The following EYS variants were observed in gnomAD, a reference collection of about 807,000 sequenced individuals.
EYS encodes the protein protein eyes shut homolog.
EYS carries 250 observed loss-of-function variants against 282.1 expected under a neutral mutation model. The ratio of observed to expected loss-of-function variants is 0.89; its 90% CI spans 0.80 to 0.98. EYS has a LOEUF of 0.98. Ranked by LOEUF, EYS falls within the 50% of genes least tolerant of loss-of-function variation. The probability of loss-of-function intolerance (pLI) is 0.00; values close to 1 mark genes in which losing one functional copy is unlikely to be tolerated. For missense variants in EYS, 4,016 were observed against 3,709.0 expected (o/e 1.08, Z -2.15); for synonymous variants, 1,355 against 1,282.9 (o/e 1.06, Z -1.20).
chr6:64,039,031 C>A (rs1770260989), intron 33 of EYS, among the ~76,000 whole-genome samples: 1 of 152,162 alleles, frequency 6.6e-6, no homozygotes, highest in African/African-American at 2.4e-5. Context: ...TCTCAAACTC[C>A]TGACCTCAGA....
intron 24 of EYS, among the ~76,000 whole-genome samples, chr6:64,604,685 C>T (rs752075102): frequency 2.0e-5 from 3 of 152,006 alleles, no homozygotes; most frequent in Non-Finnish European, 1.5e-5. Flanking sequence ...CATTGATTTG[C>T]TGTATAATTT....
intron 2 of EYS, among the ~76,000 whole-genome samples, chr6:65,615,965 T>G (rs2149797879): frequency 6.6e-6 from 1 of 150,942 alleles, no homozygotes; most frequent in South Asian, 2.1e-4. Flanking sequence ...GAAAAAAAAA[T>G]TATCAAATAG....
At chr6:64,669,188 T>C (rs753752977) in intron 22 of EYS, among the ~76,000 whole-genome samples, 10 of 152,210 alleles carry the variant, frequency 6.6e-5, no homozygotes, top group Non-Finnish European at 1.0e-4. Context: ...GGATTAAAAA[T>C]AGTAGCAACT....
At chr6:63,801,486 G>A (rs1770781427) in intron 37 of EYS, among the ~76,000 whole-genome samples, 1 of 152,298 alleles carries the variant, frequency 6.6e-6, no homozygotes, top group African/African-American at 2.4e-5. Flanking sequence ...GTTTCTGGCT[G>A]AAGCAGAATG....
chr6:64,578,931 C>A (rs1765975655), intron 26 of EYS, among the ~76,000 whole-genome samples: 1 of 152,052 alleles, frequency 6.6e-6, no homozygotes, highest in Admixed American at 6.6e-5. Flanking sequence ...ATTAAAGTGA[C>A]AACTTGTCAT....
chr6:64,479,079 T>G (rs1776361385), intron 26 of EYS, among the ~76,000 whole-genome samples: 1 of 151,934 alleles, frequency 6.6e-6, no homozygotes, highest in Admixed American at 6.6e-5. Flanking sequence ...ACTATCAAAA[T>G]CACCAATATA....
intron 14 of EYS, among the ~76,000 whole-genome samples, chr6:64,955,055 C>T (rs1477733218): frequency 6.6e-6 from 1 of 152,028 alleles, no homozygotes; most frequent in Non-Finnish European, 1.5e-5. Context: ...TGGCAGGCAC[C>T]TGTAGTCCCA....
At chr6:65,046,867 C>T (rs928835941) in intron 13 of EYS, among the ~76,000 whole-genome samples, 2 of 151,920 alleles carry the variant, frequency 1.3e-5, no homozygotes, top group African/African-American at 4.8e-5. Flanking sequence ...CCATAAATGG[C>T]TTTCGTCACC....
chr6:64,019,826 A>G (rs1328414521), intron 33 of EYS, among the ~76,000 whole-genome samples: 5 of 136,662 alleles, frequency 3.7e-5, no homozygotes, highest in African/African-American at 1.2e-4. Flanking sequence ...ATATATAAGT[A>G]TATATATATA....
At chr6:64,978,789 C>T (rs1210727944) in intron 14 of EYS, among the ~76,000 whole-genome samples, 1 of 151,856 alleles carries the variant, frequency 6.6e-6, no homozygotes, top group African/African-American at 2.4e-5. Context: ...GGATTCAATA[C>T]TTCAGTGGAG....
At chr6:65,540,663 A>T (rs1768131835) in intron 2 of EYS, among the ~76,000 whole-genome samples, 1 of 152,204 alleles carries the variant, frequency 6.6e-6, no homozygotes, top group African/African-American at 2.4e-5. Flanking sequence ...TCACGCCTGT[A>T]ATCCCAGCAC....
At chr6:65,319,385 A>T (rs1769408680) in intron 11 of EYS, among the ~76,000 whole-genome samples, 1 of 150,790 alleles carries the variant, frequency 6.6e-6, no homozygotes, top group South Asian at 2.1e-4. Context: ...ATCTCAAAAA[A>T]AATAATATAT....
chr6:65,230,696 C>T (rs961477724), intron 12 of EYS, among the ~76,000 whole-genome samples: 4 of 151,634 alleles, frequency 2.6e-5, no homozygotes, highest in Non-Finnish European at 5.9e-5. Flanking sequence ...TGAGTTACAA[C>T]GTTGACAATT....
chr6:65,544,204 T>C (rs934910472), intron 2 of EYS, among the ~76,000 whole-genome samples: 4 of 152,148 alleles, frequency 2.6e-5, no homozygotes, highest in African/African-American at 9.7e-5. Context: ...CACTTTGTAT[T>C]TTATAGCAGT....
In EYS at chr6:64,388,608, G is replaced by A. The variant is rs1273855345; in HGVS notation, c.6078+82C>T. The A allele has an allele frequency of 6.9e-6, 9 of 1,299,786 alleles. No homozygotes were observed. The South Asian group carries it at 1.0e-4, about 15-fold the overall frequency. 80.5% of individuals were successfully genotyped at this position (1,299,786 alleles called of 1,614,324 possible). A position where few individuals can be genotyped will look rare whatever the true frequency, so the allele number is the denominator to read the frequency against. ...CCACTAGCCAGAAAATATTTCTAAA[G>A]TTTTTCTTTTTCATTTATCAATATG... On this transcript the variant is annotated intron_variant, in intron 29 of 42. Transcript: ENST00000503581.
chr6:64,937,588 A>C (rs1002291249), intron 15 of EYS, among the ~76,000 whole-genome samples: 2 of 151,592 alleles, frequency 1.3e-5, no homozygotes, highest in Non-Finnish European at 3.0e-5. Context: ...GTGCATTGAA[A>C]TACCATTTCA....
intron 34 of EYS, among the ~76,000 whole-genome samples, chr6:63,996,008 T>C (rs1413636629): frequency 6.9e-6 from 1 of 145,164 alleles, no homozygotes; most frequent in Non-Finnish European, 1.6e-5. Context: ...ATTTGCTGAA[T>C]TTGATCATTC....
intron 22 of EYS, among the ~76,000 whole-genome samples, chr6:64,685,682 G>A (rs1175974531): frequency 6.6e-6 from 1 of 152,166 alleles, no homozygotes; most frequent in East Asian, 1.9e-4. Flanking sequence ...ATCTTCAGCT[G>A]CTGCTGGCAT....
chr6:64,491,829 T>C (rs1180802094), intron 26 of EYS, among the ~76,000 whole-genome samples: 1 of 150,178 alleles, frequency 6.7e-6, no homozygotes, highest in Non-Finnish European at 1.5e-5. Context: ...ATTATTCTTC[T>C]CTCTGTTAAT....
Sources: gnomAD v4.1 joint callset for allele counts (sites outside exome capture counted in the v4.1 genomes callset) on GRCh38, gnomAD v4.1.1 for gene constraint, MANE v1.5 for transcripts, NCBI Gene and HGNC (gene_info 2026-07-23, HGNC 2026-07-21) for gene names.